RORA: variants seen among roughly 807,000 people sequenced by gnomAD.
RORA encodes the protein nuclear receptor ROR-alpha.
In RORA, 7 loss-of-function variants were observed where a neutral mutation model predicts 69.5. That is an observed-to-expected ratio of 0.10 (90% CI 0.06 to 0.19). The LOEUF (loss-of-function observed/expected upper bound fraction) is 0.19. RORA is among the 10% of genes least tolerant of loss of function. The pLI is 1.00. For missense variants in RORA, 457 were observed against 663.0 expected, an observed-to-expected ratio of 0.69 and a Z score of 3.41; for synonymous variants, 261 against 240.8, an observed-to-expected ratio of 1.08 and a Z score of -0.78.
intron 1 of RORA, among the ~76,000 whole-genome samples, chr15:61,098,979 G>T (rs1307785485): frequency 6.6e-6 from 1 of 152,190 alleles, no homozygotes; most frequent in Non-Finnish European, 1.5e-5. Flanking sequence ...ACGCTTCAGT[G>T]AAATTTTTCA....
At chr15:60,821,545 G>C (rs1281804759) in intron 1 of RORA, among the ~76,000 whole-genome samples, 1 of 152,162 alleles carries the variant, frequency 6.6e-6, no homozygotes, top group Non-Finnish European at 1.5e-5. Flanking sequence ...CAAAGGCTGG[G>C]AACACACTTT....
chr15:60,520,387 T>C (rs1405208056), intron 3 of RORA: 2 of 152,216 alleles, frequency 1.3e-5, no homozygotes, highest in African/African-American at 4.8e-5. Context: ...TTTAAAAACC[T>C]CTTCTTTTCA....
intron 1 of RORA, among the ~76,000 whole-genome samples, chr15:61,219,775 A>G (rs1364754733): frequency 6.6e-6 from 1 of 152,188 alleles, no homozygotes; most frequent in East Asian, 1.9e-4. Context: ...GCTGATTCAT[A>G]AAGCCCTTTC....
chr15:60,685,524 T>C (rs1267172951), intron 1 of RORA, among the ~76,000 whole-genome samples: 1 of 152,106 alleles, frequency 6.6e-6, no homozygotes, highest in African/African-American at 2.4e-5. Flanking sequence ...CTACACATAG[T>C]CAAAAAGAAA....
At chr15:60,562,636 T>C (rs928023018) in intron 2 of RORA, among the ~76,000 whole-genome samples, 33 of 149,298 alleles carry the variant, frequency 2.2e-4, no homozygotes, top group African/African-American at 7.9e-4. Flanking sequence ...TTAGTAGAGA[T>C]GGGGTTTCAC....
intron 1 of RORA, among the ~76,000 whole-genome samples, chr15:61,165,436 A>G (rs1465047527): frequency 1.3e-5 from 2 of 152,194 alleles, no homozygotes; most frequent in Non-Finnish European, 2.9e-5. Context: ...TCCTTTATCT[A>G]ATTCCCTCTT....
At chr15:60,908,414 C>G (rs1275043241) in intron 1 of RORA, among the ~76,000 whole-genome samples, 2 of 152,192 alleles carry the variant, frequency 1.3e-5, no homozygotes, top group African/African-American at 4.8e-5. Context: ...TTTCCCCCCT[C>G]CATGGTACTA....
rs545831452 is a variant in RORA at position 60,788,061 on chromosome 15, T to C, written c.167-109375A>G. ...CTATGAAGGAGAAGTACAAGGTGTC[T>C]GAAAAGTATCTATCTGGGGAGCTGA... On this transcript the variant is annotated intron_variant, in intron 1 of 10. Coordinates refer to ENST00000335670, the MANE Select transcript of RORA (RefSeq NM_134261.3). 2.6e-5 allele frequency among the ~76,000 whole-genome samples: 4 copies of C among 152,280 alleles called. No homozygotes were observed. The South Asian group carries it at 8.3e-4, about 32-fold the overall frequency.
At chr15:61,136,449 C>CAACA (rs929311888) in intron 1 of RORA, among the ~76,000 whole-genome samples, 2 of 152,140 alleles carry the variant, frequency 1.3e-5, no homozygotes, top group Non-Finnish European at 2.9e-5. Flanking sequence ...CAGTTATTAT[C>CAACA]AACAACTCAA....
chr15:60,687,713 C>T (rs563469526), intron 1 of RORA, among the ~76,000 whole-genome samples: 18 of 152,314 alleles, frequency 1.2e-4, no homozygotes, highest in Admixed American at 2.0e-4. Flanking sequence ...GAGATTGTGC[C>T]ACTGAACTCC....
rs1349175863 is a variant in RORA at position 60,505,617 on chromosome 15, T to A, written c.833A>T (p.Gln278Leu). 1 of 1,613,872 alleles carries A rather than the reference T, an allele frequency of 6.2e-7. No individual in the cohort carries two copies. The highest frequency in any genetic ancestry group is 8.5e-7 in the Non-Finnish European group (1 of 1,179,904). Residue 278 changes from glutamine to leucine, a missense_variant, in exon 6 of 11, where the codon CAG becomes CTG. Gln to Leu is a moderately radical substitution (Grantham distance 113). Transcript: ENST00000335670. The stretch of plus-strand genomic sequence containing the variant: ...TTCCAGATGCGATTTAGATATATTC[T>A]GTGCAAGGTGTTCTAAGGAGAAAAC... ...VSMAELEHLA[Q>L]NISKSHLETC...
chr15:61,217,292 G>T (rs2080049144), intron 1 of RORA, among the ~76,000 whole-genome samples: 1 of 152,190 alleles, frequency 6.6e-6, no homozygotes, highest in Non-Finnish European at 1.5e-5. Flanking sequence ...CGTAAAAGAG[G>T]CCTGGCAGAG....
chr15:61,151,065 C>G (rs574003153), intron 1 of RORA, among the ~76,000 whole-genome samples: 4 of 152,248 alleles, frequency 2.6e-5, no homozygotes, highest in African/African-American at 9.6e-5. Context: ...TCCTACCCAT[C>G]ATCCAGAGCA....
At chr15:60,544,726 T>A (rs2067015904) in intron 2 of RORA, 1 of 152,236 alleles carries the variant, frequency 6.6e-6, no homozygotes. Context: ...GCCCTTTTGC[T>A]TTAAATCAAT....
chr15:60,849,510 C>T (rs2073301814), intron 1 of RORA, among the ~76,000 whole-genome samples: 2 of 152,158 alleles, frequency 1.3e-5, no homozygotes, highest in Non-Finnish European at 2.9e-5. Context: ...CTTGATGATC[C>T]TCCTACAGTC....
rs561469766 is a variant in RORA at position 60,622,949 on chromosome 15, C to G, written c.196+55708G>C. On this transcript the variant is annotated intron_variant, in intron 2 of 10. Transcript: ENST00000335670. ...CAGGCTGGTCTCGAACTCCTGACCT[C>G]AGGTGATCCACCCGCCTCAGTCTCC... is the stretch of plus-strand genomic sequence containing the variant. Among the ~76,000 whole-genome samples, 10 of 152,234 alleles carry G rather than the reference C, an allele frequency of 6.6e-5. No individual in the cohort carries two copies. In the South Asian group the frequency reaches 2.1e-3, roughly 32 times the overall value.
chr15:60,647,119 A>G (rs1486805387), intron 2 of RORA, among the ~76,000 whole-genome samples: 1 of 152,164 alleles, frequency 6.6e-6, no homozygotes, highest in Admixed American at 6.5e-5. Context: ...GTTCGAGTAC[A>G]TTCTGTGGCC....
chr15:60,614,856 T>C (rs763747083), intron 2 of RORA: 4 of 1,563,814 alleles, frequency 2.6e-6, no homozygotes, highest in Admixed American at 1.7e-5. Context: ...TACATACATA[T>C]AGCTGCCTGG....
intron 1 of RORA, among the ~76,000 whole-genome samples, chr15:60,726,527 G>A (rs1047825309): frequency 6.6e-6 from 1 of 152,216 alleles, no homozygotes; most frequent in Non-Finnish European, 1.5e-5. Context: ...AGCCAGCTGG[G>A]CCAGCAGGAC....
Sources: allele counts gnomAD v4.1 joint callset (sites outside exome capture counted in the v4.1 genomes callset), GRCh38; gene constraint gnomAD v4.1.1; transcripts MANE v1.5; gene names NCBI Gene and HGNC (gene_info 2026-07-23, HGNC 2026-07-21).